The following VEPH1 variants were observed in gnomAD, a reference collection of about 807,000 sequenced individuals.
The protein encoded by VEPH1 is ventricular zone-expressed PH domain-containing protein homolog 1.
A neutral mutation model predicts 85.2 loss-of-function variants in VEPH1; 80 were observed. The ratio of observed to expected loss-of-function variants is 0.94; its 90% CI spans 0.78 to 1.13. The LOEUF is 1.13. VEPH1 is among the 50% of genes most tolerant of loss of function. VEPH1 has a pLI of 0.00. For missense variants in VEPH1, 955 were observed against 980.5 expected (o/e 0.97, Z 0.35); for synonymous variants, 297 against 348.0 (o/e 0.85, Z 1.63).
At chr3:157,502,857 G>A (rs1740224231) in intron 1 of VEPH1, among the ~76,000 whole-genome samples, 2 of 152,198 alleles carry the variant, frequency 1.3e-5, no homozygotes, top group South Asian at 4.1e-4. Flanking sequence ...CTGTAATGAT[G>A]CTATAATATT....
chr3:157,344,840 G>A (rs1213184608), intron 9 of VEPH1, among the ~76,000 whole-genome samples: 1 of 151,974 alleles, frequency 6.6e-6, no homozygotes. Flanking sequence ...ATCGACCAAC[G>A]GAAAAGAACA....
At chr3:157,348,201 A>C (rs1724457257) in intron 9 of VEPH1, among the ~76,000 whole-genome samples, 1 of 152,052 alleles carries the variant, frequency 6.6e-6, no homozygotes, top group Admixed American at 6.6e-5. Flanking sequence ...CCTGCCCCCA[A>C]GCAGGAGGGG....
intron 4 of VEPH1, chr3:157,437,905 C>T (rs1353654556): frequency 7.9e-6 from 12 of 1,523,716 alleles, no homozygotes; most frequent in Non-Finnish European, 1.0e-5. Flanking sequence ...CCGGAGCTGG[C>T]TGCCGGCAGG....
intron 12 of VEPH1, among the ~76,000 whole-genome samples, chr3:157,279,165 T>C (rs966325655): frequency 6.6e-6 from 1 of 152,148 alleles, no homozygotes; most frequent in African/African-American, 2.4e-5. Flanking sequence ...AGGTGATTAC[T>C]GTAGTAAGAG....
At chr3:157,369,179 TGAAAA>T (rs1727114115) in intron 7 of VEPH1, among the ~76,000 whole-genome samples, 1 of 15,054 alleles carries the variant, frequency 6.6e-5, no homozygotes, top group African/African-American at 2.6e-4. Context: ...AAAAACCAAA[TGAAAA>T]AAAAAAAAAA....
At chr3:157,421,550 C>T (rs373699270) in intron 5 of VEPH1, among the ~76,000 whole-genome samples, 11 of 152,302 alleles carry the variant, frequency 7.2e-5, no homozygotes, top group Non-Finnish European at 1.5e-4. Context: ...TTCTGGTTGT[C>T]GCCACTTATT....
intron 9 of VEPH1, among the ~76,000 whole-genome samples, chr3:157,350,501 A>G (rs1268646644): frequency 6.6e-6 from 1 of 152,246 alleles, no homozygotes; most frequent in Non-Finnish European, 1.5e-5. Flanking sequence ...AGGCAACAAA[A>G]GCAAAAATAA....
At chr3:157,367,637 A>G (rs1405652177) in intron 7 of VEPH1, among the ~76,000 whole-genome samples, 1 of 152,176 alleles carries the variant, frequency 6.6e-6, no homozygotes, top group African/African-American at 2.4e-5. Context: ...CCAAAATGTA[A>G]GTATTAGATA....
At chr3:157,381,786 T>G (rs1232591717) in intron 6 of VEPH1, 10 of 176,676 alleles carry the variant, frequency 5.7e-5, no homozygotes, top group Non-Finnish European at 8.5e-5. Context: ...GATAATTCTA[T>G]AGGGAGCTGA....
chr3:157,331,288 A>G (rs1722474612), intron 9 of VEPH1, among the ~76,000 whole-genome samples: 1 of 152,186 alleles, frequency 6.6e-6, no homozygotes, highest in Non-Finnish European at 1.5e-5. Flanking sequence ...TGTTTATCCA[A>G]TGCAAGTGAG....
chr3:157,381,720 GAA>G, intron 6 of VEPH1: 1 of 193,598 alleles, frequency 5.2e-6, no homozygotes, highest in Non-Finnish European at 1.1e-5. Flanking sequence ...CTCGGTCTCA[GAA>G]AAAAAAAATT....
intron 12 of VEPH1, among the ~76,000 whole-genome samples, chr3:157,275,964 C>T (rs1397174456): frequency 6.6e-6 from 1 of 152,172 alleles, no homozygotes; most frequent in Non-Finnish European, 1.5e-5. Context: ...GCCACATTTA[C>T]TAGACTGAGT....
At chr3:157,437,810 A>T in intron 4 of VEPH1, 1 of 1,462,608 alleles carries the variant, frequency 6.8e-7, no homozygotes, top group South Asian at 1.4e-5. Flanking sequence ...CAGCGCCCAG[A>T]GGAGGCGGGG....
chr3:157,333,015 T>G (rs986563030), intron 9 of VEPH1, among the ~76,000 whole-genome samples: 3 of 152,212 alleles, frequency 2.0e-5, no homozygotes, highest in African/African-American at 7.2e-5. Flanking sequence ...GGTGGCTGAC[T>G]GCTTACAATT....
chr3:157,439,468 A>T (rs1376145732), intron 4 of VEPH1, among the ~76,000 whole-genome samples: 1 of 152,240 alleles, frequency 6.6e-6, no homozygotes, highest in Non-Finnish European at 1.5e-5. Context: ...GATAATCAGA[A>T]AAACCTATTA....
chr3:157,263,710 T>C (rs1713223297), intron 13 of VEPH1, among the ~76,000 whole-genome samples: 2 of 152,180 alleles, frequency 1.3e-5, no homozygotes, highest in Admixed American at 1.3e-4. Flanking sequence ...ACAGTAGGTA[T>C]CACAAAAAAT....
chr3:157,360,490 A>G (rs1240176086), intron 9 of VEPH1, among the ~76,000 whole-genome samples: 1 of 152,118 alleles, frequency 6.6e-6, no homozygotes, highest in Non-Finnish European at 1.5e-5. Flanking sequence ...TTGGGAAAAA[A>G]AAGCAAAGTT....
chr3:157,459,186 G>A (rs1735620098), intron 4 of VEPH1, among the ~76,000 whole-genome samples: 1 of 152,224 alleles, frequency 6.6e-6, no homozygotes, highest in Admixed American at 6.5e-5. Flanking sequence ...GGGCAGCACG[G>A]AGTTCCCAGG....
intron 5 of VEPH1, among the ~76,000 whole-genome samples, chr3:157,426,895 C>T (rs1328018169): frequency 5.3e-5 from 8 of 151,092 alleles, no homozygotes; most frequent in African/African-American, 1.7e-4. Flanking sequence ...GCAACCTCTG[C>T]CACCCAGGTT....
Sources: gnomAD v4.1 joint callset for allele counts (sites outside exome capture counted in the v4.1 genomes callset) on GRCh38, gnomAD v4.1.1 for gene constraint, MANE v1.5 for transcripts, NCBI Gene and HGNC (gene_info 2026-07-23, HGNC 2026-07-21) for gene names.